Variants in COBLL1 observed in about 807,000 individuals in gnomAD.
COBLL1 encodes cordon-bleu WH2 repeat protein like 1.
In COBLL1, 50 loss-of-function variants were observed where a neutral mutation model predicts 94.8. That is an observed-to-expected ratio of 0.53 (90% CI 0.42 to 0.67). The LOEUF (loss-of-function observed/expected upper bound fraction) is 0.67, where lower values mean the gene tolerates loss of function less well. Ranked by LOEUF, COBLL1 falls within the 30% of genes least tolerant of loss-of-function variation. COBLL1 has a pLI of 0.00. For missense variants in COBLL1, 1,362 were observed against 1,348.7 expected (o/e 1.01, Z -0.15); for synonymous variants, 448 against 473.8 (o/e 0.95, Z 0.71).
intron 2 of COBLL1, among the ~76,000 whole-genome samples, chr2:164,805,350 T>TATAA (rs1684083994): frequency 8.9e-6 from 1 of 112,954 alleles, no homozygotes; most frequent in Non-Finnish European, 1.8e-5. Context: ...TATATATATA[T>TATAA]ATATATATAT....
chr2:164,816,092 CTG>C (rs1408374263), intron 2 of COBLL1, among the ~76,000 whole-genome samples: 2 of 151,920 alleles, frequency 1.3e-5, no homozygotes, highest in African/African-American at 4.8e-5. Context: ...AATATATACT[CTG>C]ATAGAGTTAA....
chr2:164,684,574 C>T lies in COBLL1; in HGVS notation c.*1372G>A, dbSNP rs1374709936. ...GCCATGTATCAGGAACTATGCTAAA[C>T]ATTTTAAATGCTTAGACCATGCATT... is the stretch of plus-strand genomic sequence containing the variant. On this transcript the variant is annotated 3_prime_UTR_variant, in exon 14 of 14. Coordinates refer to ENST00000652658, the MANE Select transcript of COBLL1 (RefSeq NM_001365672.2). 2 of 152,118 alleles carry T rather than the reference C, an allele frequency of 1.3e-5. No individual in the cohort carries two copies. The highest frequency in any genetic ancestry group is 2.4e-5 in the African/African-American group (1 of 41,438). The allele number at this position is 152,118 out of a possible 1,614,324, so 9.4% of individuals were successfully genotyped here.
In COBLL1 at chr2:164,705,104, C is replaced by A; in HGVS notation, c.998G>T (p.Ser333Ile). The A allele has an allele frequency of 6.6e-7, 1 of 1,507,376 alleles. No homozygotes were observed. Among genetic ancestry groups the A allele is most frequent in the Non-Finnish European group, 8.8e-7 (1 of 1,130,228 alleles). 93.4% of individuals were successfully genotyped at this position (1,507,376 alleles called of 1,614,324 possible). The change falls in exon 8 of 14, where the codon AGT becomes ATT. Residue 333 changes from serine to isoleucine, a missense_variant and splice_region_variant. By Grantham distance (142) the Ser-to-Ile change is moderately radical. Coordinates refer to ENST00000652658, the MANE Select transcript of COBLL1 (RefSeq NM_001365672.2). ...KSMSVDETDK[S>I]PCEAGRVRAG... ...CCTCACTCTTCCTGCTTCACAGGGA[C>A]TCTGGAAAACAAAATGACCAAATAA...
intron 2 of COBLL1, among the ~76,000 whole-genome samples, chr2:164,818,184 A>G (rs537420666): frequency 6.8e-6 from 1 of 147,700 alleles, no homozygotes; most frequent in East Asian, 2.0e-4. Context: ...GTATACACGT[A>G]TATATACGTA....
At chr2:164,818,164 A>G (rs1264924344) in intron 2 of COBLL1, among the ~76,000 whole-genome samples, 1 of 151,268 alleles carries the variant, frequency 6.6e-6, no homozygotes, top group African/African-American at 2.4e-5. Context: ...ACGTGTATGT[A>G]TACATGCACG....
intron 5 of COBLL1, chr2:164,724,154 C>T (rs184002804): frequency 6.6e-6 from 1 of 152,268 alleles, no homozygotes; most frequent in Admixed American, 6.5e-5. Flanking sequence ...ACACGGAGAA[C>T]CTTACTTTTT....
chr2:164,714,156 C>CAA, intron 7 of COBLL1, among the ~76,000 whole-genome samples: 1 of 54,664 alleles, frequency 1.8e-5, no homozygotes, highest in South Asian at 3.7e-4. Flanking sequence ...TAGAAAGAAA[C>CAA]ACACACACAC....
chr2:164,773,584 C>A (rs1193135571), intron 2 of COBLL1: 3 of 303,194 alleles, frequency 9.9e-6, no homozygotes, highest in African/African-American at 2.2e-5. Context: ...GAAAAAGAGT[C>A]CTCAGACATA....
intron 10 of COBLL1, among the ~76,000 whole-genome samples, chr2:164,700,222 A>G (rs1231579214): frequency 6.6e-6 from 1 of 152,166 alleles, no homozygotes; most frequent in African/African-American, 2.4e-5. Context: ...CATATAGGTC[A>G]CATAGGTTAA....
chr2:164,658,249 C>T (rs867925535), intron 2 of COBLL1, among the ~76,000 whole-genome samples: 1 of 152,080 alleles, frequency 6.6e-6, no homozygotes, highest in East Asian at 1.9e-4. Flanking sequence ...GTCTCTCAGT[C>T]CCCCCTCTCA....
rs537934148 is a variant in COBLL1 at position 164,756,783 on chromosome 2, GA to G, written c.42-12909del. Among the ~76,000 whole-genome samples, 795 of 151,750 alleles carry G rather than the reference GA, an allele frequency of 5.2e-3. 12 individuals carry two copies. Among genetic ancestry groups the G allele is most frequent in the African/African-American group, 0.018 (733 of 41,394 alleles). On this transcript the variant is annotated intron_variant, in intron 2 of 13. Coordinates refer to ENST00000652658, the MANE Select transcript of COBLL1 (RefSeq NM_001365672.2). ...AAAAAAGATACACACTTGCAAAAAG[GA>G]AAAAAAATCTACATACTAATCACCA...
chr2:164,778,145 C>A (rs992063485), intron 2 of COBLL1, among the ~76,000 whole-genome samples: 24 of 152,120 alleles, frequency 1.6e-4, no homozygotes, highest in Non-Finnish European at 3.1e-4. Flanking sequence ...ATCAGACAGA[C>A]TGATCAGGGG....
intron 2 of COBLL1, among the ~76,000 whole-genome samples, chr2:164,752,760 G>A (rs566986636): frequency 2.6e-4 from 40 of 152,192 alleles, no homozygotes; most frequent in Non-Finnish European, 4.4e-4. Flanking sequence ...ACTTCCCCAG[G>A]TGAGGTTGGA....
chr2:164,826,183 A>G (rs1396142457), intron 2 of COBLL1, among the ~76,000 whole-genome samples: 2 of 152,222 alleles, frequency 1.3e-5, no homozygotes, highest in Admixed American at 6.5e-5. Flanking sequence ...GGAAGTTACA[A>G]TCACCTTGGT....
chr2:164,776,298 C>A (rs1688458473), intron 2 of COBLL1, among the ~76,000 whole-genome samples: 1 of 152,128 alleles, frequency 6.6e-6, no homozygotes, highest in Non-Finnish European at 1.5e-5. Context: ...GTAAAGGAAG[C>A]CCCAAACTGC....
chr2:164,766,337 G>A (rs1023182232), intron 2 of COBLL1, among the ~76,000 whole-genome samples: 1 of 152,130 alleles, frequency 6.6e-6, no homozygotes, highest in South Asian at 2.1e-4. Context: ...TGTTGAATTT[G>A]TAATCCCCAA....
At chr2:164,774,507 G>A (rs994517653) in intron 2 of COBLL1, among the ~76,000 whole-genome samples, 2 of 152,200 alleles carry the variant, frequency 1.3e-5, no homozygotes, top group African/African-American at 4.8e-5. Context: ...ATCAAATGCA[G>A]ACTATTCTAA....
chr2:164,773,731 A>G, intron 2 of COBLL1: 1 of 1,296,428 alleles, frequency 7.7e-7, no homozygotes. Flanking sequence ...GTCTCCATAA[A>G]ACAGTATTGT....
In COBLL1 at chr2:164,729,064, C is replaced by G. The variant is rs1485911817; in HGVS notation, c.432+850G>C. Reference sequence around the variant, plus strand: ...AACAGCAGGGATATGTAATAAACACCTAGACAGAAACAAATACCTAGACAG... The same window carrying G: ...AACAGCAGGGATATGTAATAAACACGTAGACAGAAACAAATACCTAGACAG... On this transcript the variant is annotated intron_variant, in intron 4 of 13. Transcript: ENST00000652658. Among the ~76,000 whole-genome samples the G allele has an allele frequency of 2.0e-5, 3 of 151,702 alleles. No homozygotes were observed. In the Middle Eastern group the frequency reaches 0.01, roughly 520 times the overall value.
Sources: allele counts gnomAD v4.1 joint callset (sites outside exome capture counted in the v4.1 genomes callset), GRCh38; gene constraint gnomAD v4.1.1; transcripts MANE v1.5; gene names NCBI Gene and HGNC (gene_info 2026-07-23, HGNC 2026-07-21).